Variants in PLOD1 observed in about 807,000 individuals in gnomAD.
PLOD1 encodes the protein lysine hydroxylase.
Under a neutral mutation model 94.7 loss-of-function variants are expected in PLOD1, and 70 were observed. The ratio of observed to expected loss-of-function variants is 0.74; its 90% CI spans 0.61 to 0.90. PLOD1 has a LOEUF of 0.90. PLOD1 is among the 40% of genes least tolerant of loss of function. The probability of loss-of-function intolerance (pLI) is 0.00; values close to 1 mark genes in which losing one functional copy is unlikely to be tolerated. For missense variants in PLOD1, 905 were observed against 972.7 expected, an observed-to-expected ratio of 0.93 and a Z score of 0.93; for synonymous variants, 417 against 400.2, an observed-to-expected ratio of 1.04 and a Z score of -0.50.
intron 1 of PLOD1, among the ~76,000 whole-genome samples, chr1:11,942,234 C>T (rs1224492036): frequency 6.6e-6 from 1 of 152,144 alleles, no homozygotes; most frequent in Non-Finnish European, 1.5e-5. Context: ...CTGCCTGCCT[C>T]AGCTTCCCCT....
Position 11,970,786 on chromosome 1 carries a change from G to T in PLOD1, c.1872G>T (p.Thr624=). 6.2e-7 allele frequency: 1 copy of T among 1,609,794 alleles called. No individual in the cohort carries two copies. The highest frequency in any genetic ancestry group is 8.5e-7 in the Non-Finnish European group (1 of 1,179,304). Residue 624 remains threonine, a synonymous_variant, in exon 17 of 19, where the codon ACG becomes ACT. Coordinates refer to ENST00000196061, the MANE Select transcript of PLOD1 (RefSeq NM_000302.4). ...KFLLEYIAPM[T]EKLYPGYYTR... ...TGCTGGAGTACATTGCGCCCATGAC[G>T]GAGAAGCTCTACCCCGGCTACTACA...
chr1:11,955,052 T>C (rs1645729057), intron 6 of PLOD1, among the ~76,000 whole-genome samples, 159 bp downstream of exon 6: 1 of 152,136 alleles, frequency 6.6e-6, no homozygotes, highest in African/African-American at 2.4e-5. Context: ...GCCACTTGGA[T>C]ATCCTGGCGC....
At position 11,958,163 on chromosome 1, in the gene PLOD1, G is replaced by A. The variant is rs116133545; in HGVS notation, c.843+220G>A. Among the ~76,000 whole-genome samples the A allele has an allele frequency of 5.7e-3, 872 of 152,048 alleles. 11 individuals carry two copies. Among genetic ancestry groups the A allele is most frequent in the African/African-American group, 0.019 (788 of 41,480 alleles). ...CTTCCCCCGAGATGTCCAGGTTCTG[G>A]TTTCTTCTGCCTGGTCCTTCAGGCT... is the stretch of plus-strand genomic sequence containing the variant. On this transcript the variant is annotated intron_variant, in intron 8 of 18. Transcript: ENST00000196061. The surrounding 1 kb of genome is among the most constrained non-coding windows in gnomAD (Gnocchi z 4.3).
chr1:11,941,331 T>C (rs887540408), intron 1 of PLOD1, among the ~76,000 whole-genome samples: 4 of 151,552 alleles, frequency 2.6e-5, no homozygotes, highest in Non-Finnish European at 4.4e-5. Flanking sequence ...GTACCTTCCA[T>C]GTTGCTGCTT....
Position 11,974,699 on chromosome 1 carries a change from C to G in PLOD1, c.2075C>G (p.Pro692Arg). Reference protein sequence around the residue: ...FLRYNCSIRAPRKGWTLMHPG... With the variant: ...FLRYNCSIRARRKGWTLMHPG... ...CGCTACAACTGTTCCATCCGAGCCC[C>G]AAGGAAGGGCTGGACCCTCATGCAC... Residue 692 changes from proline (P) to arginine (R), a missense_variant, in exon 19 of 19, where the codon CCA (proline) becomes CGA (arginine). Physicochemically the swap from Pro to Arg is moderately radical, Grantham distance 103 (BLOSUM62 -2). Transcript: ENST00000196061. The G allele has an allele frequency of 6.2e-7, 1 of 1,613,950 alleles. No individual in the cohort carries two copies. The highest frequency in any genetic ancestry group is 8.5e-7 in the Non-Finnish European group (1 of 1,179,860).
intron 5 of PLOD1, among the ~76,000 whole-genome samples, chr1:11,953,967 C>T (rs895571659): frequency 6.6e-6 from 1 of 151,466 alleles, no homozygotes; most frequent in South Asian, 2.1e-4. Flanking sequence ...CGGACTCAAG[C>T]GATCCTCCCA....
At chr1:11,942,648 C>T (rs962017215) in intron 1 of PLOD1, among the ~76,000 whole-genome samples, 2 of 152,174 alleles carry the variant, frequency 1.3e-5, no homozygotes, top group African/African-American at 4.8e-5. Flanking sequence ...TGTTGGAGGG[C>T]TTGCCTTCAG....
rs1645749750 is a variant in PLOD1 at position 11,957,860 on chromosome 1, G to A, written c.760G>A (p.Gly254Ser). The change falls in exon 8 of 19, where the codon GGC becomes AGC. Residue 254 changes from glycine to serine, a missense_variant. Coordinates refer to ENST00000196061, the MANE Select transcript of PLOD1 (RefSeq NM_000302.4). This position sits in a 1 kb window ranked among gnomAD's most constrained non-coding sequence, Gnocchi z 4.1. ...GPTKLQLNYL[G>S]NYIPRFWTFE... ...CCGACAGCTGCAGTTGAACTACCTG[G>A]GCAACTACATCCCGCGCTTCTGGAC... is the stretch of plus-strand genomic sequence containing the variant. 7 of 1,613,856 alleles carry A rather than the reference G, an allele frequency of 4.3e-6. No individual in the cohort carries two copies. The highest frequency in any genetic ancestry group is 5.9e-6 in the Non-Finnish European group (7 of 1,179,770).
At chr1:11,965,442 T>A in intron 13 of PLOD1, 38 bp from the exon 14 acceptor site, 2 of 1,086,218 alleles carry the variant, frequency 1.8e-6, no homozygotes, top group South Asian at 2.5e-5. Context: ...AGGGGAGGGG[T>A]GGGGGAGCGC....
chr1:11,960,063 G>A (rs1442927517), intron 9 of PLOD1, among the ~76,000 whole-genome samples: 3 of 148,952 alleles, frequency 2.0e-5, no homozygotes, highest in Non-Finnish European at 4.4e-5. Flanking sequence ...TCCGCCTCCC[G>A]GGTTCAAGCA....
intron 1 of PLOD1, chr1:11,944,558 C>T: frequency 1.5e-6 from 2 of 1,354,114 alleles, no homozygotes; most frequent in Non-Finnish European, 2.0e-6. Context: ...GCTGGTGGCT[C>T]TGGTTCTCTT....
At chr1:11,964,330 G>GGGGGC in intron 12 of PLOD1, 30 bp downstream of exon 12, 1 of 1,424,848 alleles carries the variant, frequency 7.0e-7, no homozygotes, top group Non-Finnish European at 9.9e-7. Flanking sequence ...GGGTGGGTGG[G>GGGGGC]GGACACCTTC....
intron 2 of PLOD1, among the ~76,000 whole-genome samples, chr1:11,948,660 G>A (rs1264250964): frequency 6.6e-6 from 1 of 152,116 alleles, no homozygotes; most frequent in African/African-American, 2.4e-5. Flanking sequence ...AACCTGGGAG[G>A]CGGAGGTTGC....
chr1:11,966,971 T>C lies in PLOD1; in HGVS notation c.1651-16T>C, dbSNP rs1645822927. The C allele has an allele frequency of 6.6e-7, 1 of 1,525,788 alleles. No homozygotes were observed. The highest frequency in any genetic ancestry group is 9.1e-7 in the Non-Finnish European group (1 of 1,099,582). The allele number at this position is 1,525,788 out of a possible 1,614,324, so 94.5% of individuals were successfully genotyped here. On this transcript the variant is annotated splice_polypyrimidine_tract_variant and intron_variant, in intron 15 of 18. Transcript: ENST00000196061. ...GCCACTGTGGACCCCCTTGACTGAGTCCCTGCCCTCCCCAGCCCTGCCCGG... is the reference window on the plus strand; with the variant it reads ...GCCACTGTGGACCCCCTTGACTGAGCCCCTGCCCTCCCCAGCCCTGCCCGG...
rs369079498 is a variant in PLOD1, at chr1:11,957,234, G to A, written c.741+220G>A. 9.5e-6 allele frequency: 7 copies of A among 735,558 alleles called. No homozygotes were observed. The highest frequency in any genetic ancestry group is 6.9e-5 in the African/African-American group (4 of 58,230). 45.6% of individuals were successfully genotyped at this position (735,558 alleles called of 1,614,324 possible). ...TCTGTTCTTGCTGGTCACAGGACAC[G>A]TAGGAGGCTGCCATCCCCTTCCAGG... On this transcript the variant is annotated intron_variant, in intron 7 of 18. Coordinates refer to ENST00000196061, the MANE Select transcript of PLOD1 (RefSeq NM_000302.4). This position sits in a 1 kb window ranked among gnomAD's most constrained non-coding sequence, Gnocchi z 4.1.
chr1:11,934,899 G>T, intron 1 of PLOD1, 44 bp downstream of exon 1: 1 of 1,526,566 alleles, frequency 6.6e-7, no homozygotes, highest in Non-Finnish European at 8.8e-7. Context: ...ATCCGGGCGG[G>T]AGGGCTGGTG....
chr1:11,939,101 T>C (rs1645598500), intron 1 of PLOD1, among the ~76,000 whole-genome samples: 1 of 151,436 alleles, frequency 6.6e-6, no homozygotes, highest in Non-Finnish European at 1.5e-5. Context: ...GATTTGGCCG[T>C]GGTGAGAGAA....
Position 11,967,023 on chromosome 1 carries a change from G to A in PLOD1, c.1687G>A (p.Glu563Lys). The change falls in exon 16 of 19, where the codon GAG becomes AAG. Residue 563 changes from glutamate to lysine, a missense_variant. Coordinates refer to ENST00000196061, the MANE Select transcript of PLOD1 (RefSeq NM_000302.4). ...TGTCTATTGGTTCCCCATCTTCACG[G>A]AGGTGGCCTGTGATGAGCTGGTGGA... ...PDVYWFPIFT[E>K]VACDELVEEM... 1.9e-6 allele frequency: 3 copies of A among 1,614,068 alleles called. No individual in the cohort carries two copies. Among genetic ancestry groups the A allele is most frequent in the Non-Finnish European group, 2.5e-6 (3 of 1,179,900 alleles).
In PLOD1 at chr1:11,958,682, G is replaced by A. The variant is rs1381734820; in HGVS notation, c.975+35G>A. ...AGGCGCTCTGTGGGGTCGTCATGTG[G>A]CTTAGATCCAGGGCCCAGCTTCACA... On this transcript the variant is annotated intron_variant, in intron 9 of 18. Coordinates refer to ENST00000196061, the MANE Select transcript of PLOD1 (RefSeq NM_000302.4). This position sits in a 1 kb window ranked among gnomAD's most constrained non-coding sequence, Gnocchi z 4.3. The A allele has an allele frequency of 6.2e-7, 1 of 1,613,306 alleles. No homozygotes were observed. Among genetic ancestry groups the A allele is most frequent in the Non-Finnish European group, 8.5e-7 (1 of 1,179,862 alleles).
Sources: allele counts gnomAD v4.1 joint callset (sites outside exome capture counted in the v4.1 genomes callset), GRCh38; gene constraint gnomAD v4.1.1; non-coding constraint Gnocchi (gnomAD v3.1); transcripts MANE v1.5; gene names NCBI Gene and HGNC (gene_info 2026-07-23, HGNC 2026-07-21).